The following BPI variants were observed in gnomAD, a reference collection of about 807,000 sequenced individuals.
BPI encodes bactericidal permeability increasing protein.
BPI carries 48 observed loss-of-function variants against 57.6 expected under a neutral mutation model. The ratio of observed to expected loss-of-function variants is 0.83; its 90% CI spans 0.66 to 1.06. The LOEUF (loss-of-function observed/expected upper bound fraction) is 1.06, where lower values mean the gene tolerates loss of function less well. Among genes scored for constraint, BPI ranks in the 50% least tolerant of loss-of-function variants. The probability of loss-of-function intolerance (pLI) is 0.00; values close to 1 mark genes in which losing one functional copy is unlikely to be tolerated. For missense variants in BPI, 651 were observed against 609.7 expected, an observed-to-expected ratio of 1.07 and a Z score of -0.71; for synonymous variants, 237 against 238.2, an observed-to-expected ratio of 0.99 and a Z score of 0.05.
At chr20:38,334,355 G>A (rs2076756653) in intron 12 of BPI, 75 bp from the exon 13 acceptor site, 1 of 1,366,432 alleles carries the variant, frequency 7.3e-7, no homozygotes. Flanking sequence ...GACAGAGGTG[G>A]GGTGATGAGG....
intron 5 of BPI, among the ~76,000 whole-genome samples, chr20:38,316,567 A>T (rs2076653111): frequency 6.6e-6 from 1 of 152,176 alleles, no homozygotes; most frequent in African/African-American, 2.4e-5. Flanking sequence ...CAAGTCATTT[A>T]TTGGGAGGGG....
chr20:38,315,463 G>A (rs1218917141), intron 5 of BPI, among the ~76,000 whole-genome samples: 1 of 152,196 alleles, frequency 6.6e-6, no homozygotes, highest in Non-Finnish European at 1.5e-5. Context: ...GGAAGAGCAG[G>A]GAGGGAGCTG....
chr20:38,307,426 C>A, intron 1 of BPI, 141 bp from the exon 2 acceptor site: 1 of 594,100 alleles, frequency 1.7e-6, no homozygotes, highest in African/African-American at 1.9e-5. Context: ...TCTAGGAAAC[C>A]TTAATTGATC....
chr20:38,336,868 G>A (rs997999546), intron 14 of BPI, among the ~76,000 whole-genome samples: 3 of 152,204 alleles, frequency 2.0e-5, no homozygotes, highest in East Asian at 3.8e-4. Flanking sequence ...GCTGCCATGA[G>A]GCAGGGACGA....
At position 38,314,864 on chromosome 20, in the gene BPI, A is replaced by G. The variant is rs199890715; in HGVS notation, c.600+2927A>G. ...GGTAATGGTGGAGATGATGATGATG[A>G]TGATGGTGATGGTGATGGTGAGACT... On this transcript the variant is annotated intron_variant, in intron 5 of 14. Coordinates refer to ENST00000642449, the MANE Select transcript of BPI (RefSeq NM_001725.3). Among the ~76,000 whole-genome samples, 37 of 100,070 alleles carry G rather than the reference A, an allele frequency of 3.7e-4. 1 individual carries two copies. The highest frequency in any genetic ancestry group is 9.2e-4 in the East Asian group (2 of 2,164). The allele number at this position is 100,070 out of a possible 152,430, so 65.6% of individuals were successfully genotyped here. A position where few individuals can be genotyped will look rare whatever the true frequency, so the allele number is the denominator to read the frequency against.
intron 11 of BPI, among the ~76,000 whole-genome samples, chr20:38,328,079 G>T (rs1420706088): frequency 6.6e-6 from 1 of 152,110 alleles, no homozygotes; most frequent in Non-Finnish European, 1.5e-5. Flanking sequence ...CCCCATCCTT[G>T]GGACTTTAAC....
At chr20:38,324,709 A>T in intron 8 of BPI, 65 bp from the exon 9 acceptor site, 1 of 1,330,084 alleles carries the variant, frequency 7.5e-7, no homozygotes, top group Non-Finnish European at 1.1e-6. Flanking sequence ...CCGATACAGA[A>T]CTCACCCCCT....
Position 38,311,941 on chromosome 20 carries a change from G to A in BPI, c.600+4G>A, listed in dbSNP as rs1224085531. 1.2e-6 allele frequency: 2 copies of A among 1,613,864 alleles called. No homozygotes were observed. Among genetic ancestry groups the A allele is most frequent in the Non-Finnish European group, 1.7e-6 (2 of 1,179,928 alleles). On this transcript the variant is annotated splice_donor_region_variant and intron_variant, in intron 5 of 14. Transcript: ENST00000642449. ...TCGAAACAAGATGAACAGCCAGGTAGGAGGGGCTCAGAGCCCCATCAGCAA... is the reference window on the plus strand; with the variant it reads ...TCGAAACAAGATGAACAGCCAGGTAAGAGGGGCTCAGAGCCCCATCAGCAA...
intron 5 of BPI, 23 bp from the exon 6 acceptor site, chr20:38,318,390 A>G (rs767576684): frequency 2.5e-6 from 4 of 1,603,916 alleles, no homozygotes; most frequent in South Asian, 2.2e-5. Flanking sequence ...GACCTTACTG[A>G]TTACTTGTTT....
Position 38,337,436 on chromosome 20 carries a change from G to A in BPI, c.*252G>A. 1 of 370,108 alleles carries A rather than the reference G, an allele frequency of 2.7e-6. No homozygotes were observed. The allele number at this position is 370,108 out of a possible 1,614,324, so 22.9% of individuals were successfully genotyped here. Reference sequence around the variant, plus strand: ...CAGAGATATTTCCTCCAGGAATCGTGTTTCAATTGTAACCAAGAAATTTCC... The same window carrying A: ...CAGAGATATTTCCTCCAGGAATCGTATTTCAATTGTAACCAAGAAATTTCC... On this transcript the variant is annotated 3_prime_UTR_variant, in exon 15 of 15. Coordinates refer to ENST00000642449, the MANE Select transcript of BPI (RefSeq NM_001725.3).
chr20:38,304,780 G>A (rs1363630269), intron 1 of BPI, among the ~76,000 whole-genome samples: 2 of 152,208 alleles, frequency 1.3e-5, no homozygotes, highest in African/African-American at 4.8e-5. Flanking sequence ...CCCACTGCAG[G>A]GGCTGGCGGC....
At chr20:38,316,678 C>T (rs1429156909) in intron 5 of BPI, among the ~76,000 whole-genome samples, 1 of 152,166 alleles carries the variant, frequency 6.6e-6, no homozygotes, top group Non-Finnish European at 1.5e-5. Flanking sequence ...TGGCAATTCT[C>T]AGAGGAATGG....
At position 38,304,288 on chromosome 20, in the gene BPI, C is replaced by T; in HGVS notation, c.65C>T (p.Thr22Ile). The T allele has an allele frequency of 6.2e-7, 1 of 1,614,182 alleles. No individual in the cohort carries two copies. Among genetic ancestry groups the T allele is most frequent in the Non-Finnish European group, 8.5e-7 (1 of 1,180,032 alleles). ...CTGATGGTGCTGGTCGCCATAGGCA[C>T]CGCCGTGACAGCGGCCGTCAACCCT... ...ASLMVLVAIG[T>I]AVTAAVNPGV... The change falls in exon 1 of 15, where the codon ACC (threonine) becomes ATC (isoleucine). Residue 22 changes from threonine (T) to isoleucine (I), a missense_variant. Physicochemically the swap from Thr to Ile is moderately conservative, Grantham distance 89. Coordinates refer to ENST00000642449, the MANE Select transcript of BPI (RefSeq NM_001725.3).
At chr20:38,314,759 G>T (rs2076643624) in intron 5 of BPI, among the ~76,000 whole-genome samples, 1 of 149,574 alleles carries the variant, frequency 6.7e-6, no homozygotes, top group Non-Finnish European at 1.5e-5. Flanking sequence ...TGATGGTGGT[G>T]ATGGTAATGG....
chr20:38,315,835 C>CTT lies in BPI; in HGVS notation c.601-2565_601-2564dup, dbSNP rs374398594. Among the ~76,000 whole-genome samples the CTT allele has an allele frequency of 4.6e-3, 609 of 132,238 alleles. 4 individuals carry two copies. The highest frequency in any genetic ancestry group is 0.016 in the African/African-American group (574 of 35,598). The allele number at this position is 132,238 out of a possible 152,430, so 86.8% of individuals were successfully genotyped here. On this transcript the variant is annotated intron_variant, in intron 5 of 14. Coordinates refer to ENST00000642449, the MANE Select transcript of BPI (RefSeq NM_001725.3). ...TTCTTCCTTTCTTTTCTTTTCTTTT[C>CTT]TTTTTTTTTTTTTTGGTGATGAAGT... is the stretch of plus-strand genomic sequence containing the variant.
chr20:38,312,300 T>C (rs371836371), intron 5 of BPI, among the ~76,000 whole-genome samples: 20 of 149,206 alleles, frequency 1.3e-4, no homozygotes, highest in African/African-American at 3.7e-4. Flanking sequence ...AGTTCCTTCC[T>C]TGATGCTCCC....
At chr20:38,333,317 G>C (rs1410864548) in intron 12 of BPI, among the ~76,000 whole-genome samples, 1 of 151,958 alleles carries the variant, frequency 6.6e-6, no homozygotes, top group Non-Finnish European at 1.5e-5. Flanking sequence ...GGAATAACAG[G>C]CCAGGAAAAG....
At chr20:38,325,563 A>T (rs1046836510) in intron 9 of BPI, among the ~76,000 whole-genome samples, 1 of 152,216 alleles carries the variant, frequency 6.6e-6, no homozygotes, top group East Asian at 1.9e-4. Context: ...CCCAACTGTT[A>T]TGAACTCACT....
chr20:38,322,519 C>T (rs921630389), intron 7 of BPI, among the ~76,000 whole-genome samples: 1 of 152,206 alleles, frequency 6.6e-6, no homozygotes, highest in Non-Finnish European at 1.5e-5. Context: ...TTTGCTGATG[C>T]TCTACATGAA....
Sources: gnomAD v4.1 joint callset for allele counts (sites outside exome capture counted in the v4.1 genomes callset) on GRCh38, gnomAD v4.1.1 for gene constraint, MANE v1.5 for transcripts, NCBI Gene and HGNC (gene_info 2026-07-23, HGNC 2026-07-21) for gene names.